The following SPAG9 variants were observed in gnomAD, a reference collection of about 807,000 sequenced individuals.
SPAG9 encodes the protein sperm associated antigen 9, also known as C-Jun-amino-terminal kinase-interacting protein 4.
Under a neutral mutation model 166.5 loss-of-function variants are expected in SPAG9, and 35 were observed. The ratio of observed to expected loss-of-function variants is 0.21; its 90% CI spans 0.16 to 0.28. SPAG9 has a LOEUF of 0.28. Among genes scored for constraint, SPAG9 ranks in the 10% least tolerant of loss-of-function variants. The probability of loss-of-function intolerance (pLI) is 1.00; values close to 1 mark genes in which losing one functional copy is unlikely to be tolerated. For synonymous variants in SPAG9, 534 were observed against 565.5 expected (o/e 0.94, Z 0.79); for missense variants, 1,235 against 1,603.3 (o/e 0.77, Z 3.92).
chr17:51,026,650 G>C (rs905842385), intron 6 of SPAG9, among the ~76,000 whole-genome samples: 2 of 149,648 alleles, frequency 1.3e-5, no homozygotes, highest in Non-Finnish European at 3.0e-5. Context: ...GATTTTAGGG[G>C]TTGAGCCCTT....
intron 9 of SPAG9, among the ~76,000 whole-genome samples, chr17:51,012,297 C>A (rs2045517521): frequency 6.6e-6 from 1 of 152,050 alleles, no homozygotes; most frequent in South Asian, 2.1e-4. Flanking sequence ...TCAGGCCAGA[C>A]ATGGTGGCTC....
intron 3 of SPAG9, 134 bp downstream of exon 3, chr17:51,056,278 T>C (rs2047361116): frequency 1.5e-6 from 1 of 658,668 alleles, no homozygotes; most frequent in South Asian, 1.7e-5. Context: ...AAATTTAATG[T>C]TTTCTTGAAA....
chr17:50,980,358 C>A (rs991270907), intron 25 of SPAG9, among the ~76,000 whole-genome samples: 34 of 151,946 alleles, frequency 2.2e-4, no homozygotes, highest in African/African-American at 7.0e-4. Context: ...GCGCACACCA[C>A]CATGCCGGAC....
chr17:51,104,597 T>C (rs548816202), intron 1 of SPAG9, among the ~76,000 whole-genome samples: 6 of 151,664 alleles, frequency 4.0e-5, no homozygotes, highest in African/African-American at 9.7e-5. Context: ...GTTCACACCA[T>C]TGCACTCCAG....
intron 1 of SPAG9, among the ~76,000 whole-genome samples, chr17:51,118,665 A>G (rs777486399): frequency 3.0e-4 from 45 of 152,222 alleles, no homozygotes; most frequent in Non-Finnish European, 2.1e-4. Flanking sequence ...AAGAGTGCTA[A>G]CAAACAAGCG....
intron 1 of SPAG9, among the ~76,000 whole-genome samples, chr17:51,083,116 C>T (rs978814537): frequency 6.6e-6 from 1 of 152,222 alleles, no homozygotes; most frequent in Admixed American, 6.5e-5. Flanking sequence ...ATTAAAGATA[C>T]TATTTGTACC....
In SPAG9 at chr17:51,052,232, C is replaced by T. The variant is rs143626479; in HGVS notation, c.495+4180G>A. Among the ~76,000 whole-genome samples the T allele has an allele frequency of 8.4e-4, 128 of 152,284 alleles. 2 individuals carry two copies. The East Asian group carries it at 0.023, about 28-fold the overall frequency. On this transcript the variant is annotated intron_variant, in intron 3 of 29. Transcript: ENST00000262013. ...AAGGTTAAGGTTAAACCCCTTCAGG[C>T]TTCCTTTCCCTGAATGTTTTCAGAG...
chr17:50,969,879 G>C (rs1399812493), intron 29 of SPAG9, among the ~76,000 whole-genome samples: 1 of 152,014 alleles, frequency 6.6e-6, no homozygotes, highest in African/African-American at 2.4e-5. Context: ...CACTACCAGA[G>C]CATCAGTAAC....
At chr17:50,992,610 G>A (rs4794200) in intron 19 of SPAG9, among the ~76,000 whole-genome samples, 36,590 of 151,934 alleles carry the variant, frequency 0.24, 5,259 homozygotes, top group Admixed American at 0.34. Flanking sequence ...GGTCATGGCT[G>A]CAATGAGTAC....
At chr17:51,096,539 A>T (rs979522641) in intron 1 of SPAG9, among the ~76,000 whole-genome samples, 5 of 152,160 alleles carry the variant, frequency 3.3e-5, no homozygotes, top group Non-Finnish European at 5.9e-5. Context: ...TATCTAGTTA[A>T]TTTTACAAAT....
chr17:51,007,742 C>T (rs1365879477), intron 9 of SPAG9: 11 of 402,616 alleles, frequency 2.7e-5, no homozygotes, highest in Non-Finnish European at 4.8e-5. Context: ...CATCTGACCT[C>T]GTAGGCTTTT....
At chr17:51,010,204 C>T (rs1474629782) in intron 9 of SPAG9, among the ~76,000 whole-genome samples, 3 of 152,128 alleles carry the variant, frequency 2.0e-5, no homozygotes, top group Non-Finnish European at 1.5e-5. Flanking sequence ...TCTAGTTCTA[C>T]ATGTGTGTTT....
intron 4 of SPAG9, chr17:51,046,463 C>T (rs1411883938): frequency 6.9e-7 from 1 of 1,446,298 alleles, no homozygotes; most frequent in Admixed American, 2.2e-5. Flanking sequence ...TTAATAAAAA[C>T]CAGCTAAGCA....
At chr17:51,103,661 C>CA (rs1429590104) in intron 1 of SPAG9, among the ~76,000 whole-genome samples, 3 of 152,132 alleles carry the variant, frequency 2.0e-5, no homozygotes. Flanking sequence ...CACGGTGCCT[C>CA]ACATCTGTAT....
At chr17:51,119,298 C>T (rs1453643811) in intron 1 of SPAG9, among the ~76,000 whole-genome samples, 1 of 152,152 alleles carries the variant, frequency 6.6e-6, no homozygotes, top group Non-Finnish European at 1.5e-5. Flanking sequence ...CTATGTCATT[C>T]CTTCAATAAT....
chr17:50,972,701 T>C (rs1328822895), intron 28 of SPAG9, among the ~76,000 whole-genome samples: 1 of 152,244 alleles, frequency 6.6e-6, no homozygotes, highest in Non-Finnish European at 1.5e-5. Context: ...TAATGTATGT[T>C]GAAAGTGGAT....
chr17:51,119,449 C>A (rs975530991), intron 1 of SPAG9, among the ~76,000 whole-genome samples: 1 of 152,188 alleles, frequency 6.6e-6, no homozygotes, highest in Non-Finnish European at 1.5e-5. Flanking sequence ...AACTCCTTGT[C>A]AGTCTCAAGA....
chr17:51,093,069 TAAA>T (rs533198690), intron 1 of SPAG9, among the ~76,000 whole-genome samples: 4 of 101,128 alleles, frequency 4.0e-5, no homozygotes, highest in Admixed American at 1.1e-4. Flanking sequence ...GATATTTCTG[TAAA>T]AAAAAAAAAA....
intron 1 of SPAG9, among the ~76,000 whole-genome samples, chr17:51,107,328 A>T (rs570140189): frequency 1.5e-3 from 226 of 151,652 alleles, no homozygotes; most frequent in South Asian, 2.9e-3. Context: ...GCGGCAGATC[A>T]TTTGAGGCCA....
Sources: allele counts gnomAD v4.1 joint callset (sites outside exome capture counted in the v4.1 genomes callset), GRCh38; gene constraint gnomAD v4.1.1; transcripts MANE v1.5; gene names NCBI Gene and HGNC (gene_info 2026-07-23, HGNC 2026-07-21).